The following USP43 variants were observed in gnomAD, a reference collection of about 807,000 sequenced individuals.
The protein encoded by USP43 is ubiquitin specific peptidase 43, also known as ubiquitin carboxyl-terminal hydrolase 43.
Under a neutral mutation model 90.7 loss-of-function variants are expected in USP43, and 33 were observed. The ratio of observed to expected loss-of-function variants is 0.36; its 90% CI spans 0.28 to 0.49. The LOEUF (loss-of-function observed/expected upper bound fraction) is 0.49, where lower values mean the gene tolerates loss of function less well. USP43 is among the 20% of genes least tolerant of loss of function. USP43 has a pLI of 0.98. For missense variants in USP43, 1,274 were observed against 1,476.4 expected, an observed-to-expected ratio of 0.86 and a Z score of 2.25; for synonymous variants, 598 against 615.8, an observed-to-expected ratio of 0.97 and a Z score of 0.43.
chr17:9,714,401 G>A (rs9896200), intron 14 of USP43, among the ~76,000 whole-genome samples: 1 of 151,932 alleles, frequency 6.6e-6, no homozygotes, highest in East Asian at 1.9e-4. Flanking sequence ...AAGAATGAAG[G>A]CCGGGCACAG....
rs185340872 is a variant in USP43, at chr17:9,670,284, C to T, written c.740+3533C>T. 4.3e-3 allele frequency among the ~76,000 whole-genome samples: 653 copies of T among 152,206 alleles called. 4 individuals carry two copies. Among genetic ancestry groups the T allele is most frequent in the African/African-American group, 0.015 (616 of 41,546 alleles). On this transcript the variant is annotated intron_variant, in intron 3 of 14. Transcript: ENST00000285199. ...GAACTCCTGACCTCTAGTGATCCAC[C>T]TGCCTCGGCCTCCCAAAGTGCTGGG...
At chr17:9,719,087 C>A (rs79551501) in intron 14 of USP43, among the ~76,000 whole-genome samples, 5,921 of 152,204 alleles carry the variant, frequency 0.039, 220 homozygotes, top group East Asian at 0.21. Context: ...GAGCTCGCAC[C>A]ATTGCGCTCC....
chr17:9,645,896 G>A lies in USP43; in HGVS notation c.264G>A (p.Gln88=). Residue 88 remains glutamine (Q), a synonymous_variant, in exon 1 of 15, where the codon CAG becomes CAA. Coordinates refer to ENST00000285199, the MANE Select transcript of USP43 (RefSeq NM_153210.5). The surrounding 1 kb of genome is among the most constrained non-coding windows in gnomAD (Gnocchi z 6.8). ...ERPPGPQPQL[Q]LPAGDGARPP... ...CGCCCGGACCCCAGCCCCAGCTCCA[G>A]CTCCCCGCCGGCGATGGGGCGCGGC... The A allele has an allele frequency of 6.8e-7, 1 of 1,463,892 alleles. No homozygotes were observed. 90.7% of individuals were successfully genotyped at this position (1,463,892 alleles called of 1,614,324 possible). A position where few individuals can be genotyped will look rare whatever the true frequency, so the allele number is the denominator to read the frequency against.
chr17:9,709,916 G>A lies in USP43; in HGVS notation c.2012-40G>A, dbSNP rs2151994040. On this transcript the variant is annotated intron_variant, in intron 12 of 14. Transcript: ENST00000285199. This position sits in a 1 kb window ranked among gnomAD's most constrained non-coding sequence, Gnocchi z 5.0. Reference sequence around the variant, plus strand: ...GTGGGAAATGTCTTCCTACCTTTTGGGGCTCCAATAACTCAGACTTGGGGA... The same window carrying A: ...GTGGGAAATGTCTTCCTACCTTTTGAGGCTCCAATAACTCAGACTTGGGGA... 7.2e-7 allele frequency: 1 copy of A among 1,379,818 alleles called. No homozygotes were observed. The highest frequency in any genetic ancestry group is 2.7e-5 in the East Asian group (1 of 36,668). The allele number at this position is 1,379,818 out of a possible 1,614,324, so 85.5% of individuals were successfully genotyped here.
In USP43 at chr17:9,676,634, A is replaced by T. The variant is rs1716007711; in HGVS notation, c.834-112A>T. 8 of 1,348,866 alleles carry T rather than the reference A, an allele frequency of 5.9e-6. No individual in the cohort carries two copies. In the South Asian group the frequency reaches 1.3e-4, roughly 22 times the overall value. 83.6% of individuals were successfully genotyped at this position (1,348,866 alleles called of 1,614,324 possible). The stretch of plus-strand genomic sequence containing the variant: ...TGATCCACCTGCTTCAGCCTCCCAA[A>T]ATGCTAGGATTACAGGTGTGAGCCA... On this transcript the variant is annotated intron_variant, in intron 4 of 14. Coordinates refer to ENST00000285199, the MANE Select transcript of USP43 (RefSeq NM_153210.5).
rs1914257920 is a variant in USP43, at chr17:9,681,465, TATATATATATA to T, written c.1105+1100_1105+1110del. On this transcript the variant is annotated intron_variant, in intron 6 of 14. Transcript: ENST00000285199. ...AGATAAATATATATAAAATATATTA[TATATATATATA>T]TATATATATATATATATATATATAT... 6.5e-3 allele frequency among the ~76,000 whole-genome samples: 477 copies of T among 73,004 alleles called. 12 individuals are homozygous for T. The highest frequency in any genetic ancestry group is 0.016 in the East Asian group (63 of 3,970). The allele number at this position is 73,004 out of a possible 152,430, so 47.9% of individuals were successfully genotyped here.
At chr17:9,672,109 G>A (rs1913475291) in intron 3 of USP43, among the ~76,000 whole-genome samples, 1 of 152,050 alleles carries the variant, frequency 6.6e-6, no homozygotes, top group Admixed American at 6.6e-5. Flanking sequence ...CGATTCTTCT[G>A]CCTCAACTTC....
chr17:9,701,355 G>C lies in USP43; in HGVS notation c.1666G>C (p.Ala556Pro), dbSNP rs774312840. 1.9e-6 allele frequency: 3 copies of C among 1,594,790 alleles called. No individual in the cohort carries two copies. The highest frequency in any genetic ancestry group is 2.6e-6 in the Non-Finnish European group (3 of 1,170,708). The change falls in exon 12 of 15, where the codon GCC becomes CCC. Residue 556 changes from alanine (A) to proline (P), a missense_variant. Physicochemically the swap from Ala to Pro is conservative, Grantham distance 27. Coordinates refer to ENST00000285199, the MANE Select transcript of USP43 (RefSeq NM_153210.5). This position sits in a 1 kb window ranked among gnomAD's most constrained non-coding sequence, Gnocchi z 7.2. ...FQFYTKEEQL[A>P]QDDAWKCPHC... ...GTCCGGGTGGTTTGCTTTCCAGCTG[G>C]CCCAGGATGACGCCTGGAAGTGTCC...
chr17:9,705,803 A>T, intron 12 of USP43, among the ~76,000 whole-genome samples: 1 of 152,090 alleles, frequency 6.6e-6, no homozygotes, highest in Non-Finnish European at 1.5e-5. Context: ...AAAAACAAAA[A>T]AACACAAATA....
intron 13 of USP43, among the ~76,000 whole-genome samples, chr17:9,710,800 A>C (rs918404889): frequency 2.6e-5 from 4 of 152,196 alleles, no homozygotes; most frequent in African/African-American, 7.2e-5. Context: ...GCTGCACTCA[A>C]GCAATTCATT....
intron 1 of USP43, 37 bp from the exon 2 acceptor site, chr17:9,656,366 G>T: frequency 6.3e-7 from 1 of 1,598,188 alleles, no homozygotes; most frequent in South Asian, 1.1e-5. Context: ...TGTATAAGGG[G>T]CCAAATTCAC....
At chr17:9,681,103 C>CTATATAATATATAG (rs2151975982) in intron 6 of USP43, among the ~76,000 whole-genome samples, 1 of 57,510 alleles carries the variant, frequency 1.7e-5, no homozygotes, top group East Asian at 2.2e-3. Flanking sequence ...ATGACATATA[C>CTATATAATATATAG]TATATAATAT....
rs1917448528 is a variant in USP43, at chr17:9,729,122, T to G, written c.*132T>G. 7 of 893,220 alleles carry G rather than the reference T, an allele frequency of 7.8e-6. No individual in the cohort carries two copies. Among genetic ancestry groups the G allele is most frequent in the Non-Finnish European group, 1.1e-5 (7 of 646,790 alleles). The allele number at this position is 893,220 out of a possible 1,614,324, so 55.3% of individuals were successfully genotyped here. ...TCTCTAAAAAAAAATTTTTTTTTTT[T>G]TGTGGTGGGGGGTCTCCATATCTAG... On this transcript the variant is annotated 3_prime_UTR_variant, in exon 15 of 15. Transcript: ENST00000285199.
chr17:9,726,878 T>C (rs1917299510), intron 14 of USP43, among the ~76,000 whole-genome samples: 1 of 152,248 alleles, frequency 6.6e-6, no homozygotes, highest in South Asian at 2.1e-4. Context: ...GTGGATTGTG[T>C]GTTTTAGCTG....
chr17:9,703,563 C>T (rs1243049220), intron 12 of USP43, among the ~76,000 whole-genome samples: 1 of 152,180 alleles, frequency 6.6e-6, no homozygotes, highest in Non-Finnish European at 1.5e-5. Flanking sequence ...CAGTGTGCCA[C>T]CACCTGCCAG....
At chr17:9,671,891 G>C (rs1051346002) in intron 3 of USP43, among the ~76,000 whole-genome samples, 2 of 152,176 alleles carry the variant, frequency 1.3e-5, no homozygotes, top group African/African-American at 4.8e-5. Flanking sequence ...CTTCAGATCT[G>C]TTTGTCACAT....
At chr17:9,699,612 T>C (rs1567671606) in intron 9 of USP43, among the ~76,000 whole-genome samples, 1 of 152,220 alleles carries the variant, frequency 6.6e-6, no homozygotes, top group African/African-American at 2.4e-5. Flanking sequence ...TCTTCCCATC[T>C]CTTCTGTATT....
At chr17:9,657,106 T>A (rs1244018989) in intron 2 of USP43, among the ~76,000 whole-genome samples, 4 of 152,252 alleles carry the variant, frequency 2.6e-5, no homozygotes, top group Admixed American at 1.3e-4. Flanking sequence ...CTTTGCTCAA[T>A]GATGGCTTAT....
In USP43 at chr17:9,674,497, C is replaced by G. The variant is rs1913639504; in HGVS notation, c.741-394C>G. Among the ~76,000 whole-genome samples, 1 of 152,196 alleles carries G rather than the reference C, an allele frequency of 6.6e-6. No homozygotes were observed. The highest frequency in any genetic ancestry group is 1.5e-5 in the Non-Finnish European group (1 of 68,046). ...TCTATGGCATTACCTGTTCTGGATA[C>G]TTCATATAAACGGGATCGTACAATA... is the stretch of plus-strand genomic sequence containing the variant. On this transcript the variant is annotated intron_variant, in intron 3 of 14. Coordinates refer to ENST00000285199, the MANE Select transcript of USP43 (RefSeq NM_153210.5). The surrounding 1 kb of genome is among the most constrained non-coding windows in gnomAD (Gnocchi z 4.4).
Sources: allele counts gnomAD v4.1 joint callset (sites outside exome capture counted in the v4.1 genomes callset), GRCh38; gene constraint gnomAD v4.1.1; non-coding constraint Gnocchi (gnomAD v3.1); transcripts MANE v1.5; gene names NCBI Gene and HGNC (gene_info 2026-07-23, HGNC 2026-07-21).